Variants in CHD7 observed in about 807,000 individuals in gnomAD.
CHD7 encodes the protein ATP-dependent chromatin remodeler CHD7.
Under a neutral mutation model 307.3 loss-of-function variants are expected in CHD7, and 24 were observed. The ratio of observed to expected loss-of-function variants is 0.08; its 90% CI spans 0.06 to 0.11. CHD7 has a LOEUF of 0.11. CHD7 is among the 10% of genes least tolerant of loss of function. CHD7 has a pLI of 1.00. For missense variants in CHD7, 3,106 were observed against 3,727.1 expected, an observed-to-expected ratio of 0.83 and a Z score of 4.34; for synonymous variants, 1,363 against 1,349.9, an observed-to-expected ratio of 1.01 and a Z score of -0.21.
chr8:60,742,447 C>T lies in CHD7; in HGVS notation c.1015C>T (p.Pro339Ser). Reference sequence around the variant, plus strand: ...AAATTTAGGCCTTACAAATAATACTCCAATGAATCAGTCCGTACCAAGATA... The same window carrying T: ...AAATTTAGGCCTTACAAATAATACTTCAATGAATCAGTCCGTACCAAGATA... ...NQNLGLTNNT[P>S]MNQSVPRYPN... is the part of the protein sequence containing the mutation. Residue 339 changes from proline to serine, a missense_variant, in exon 2 of 38, where the codon CCA (proline) becomes TCA (serine). By Grantham distance (74) the Pro-to-Ser change is moderately conservative. Around this residue, in one of 10 missense-constraint regions of CHD7, gnomAD observed 998 missense variants for 1,004.5 expected, o/e 0.99. Coordinates refer to ENST00000423902, the MANE Select transcript of CHD7 (RefSeq NM_017780.4). 3 of 1,613,994 alleles carry T rather than the reference C, an allele frequency of 1.9e-6. No individual in the cohort carries two copies. Among genetic ancestry groups the T allele is most frequent in the Non-Finnish European group, 1.7e-6 (2 of 1,179,870 alleles).
chr8:60,715,842 G>A (rs1807571272), intron 1 of CHD7, among the ~76,000 whole-genome samples: 1 of 152,096 alleles, frequency 6.6e-6, no homozygotes, highest in Non-Finnish European at 1.5e-5. Flanking sequence ...GAAAATATAG[G>A]CCACTATTTT....
rs747252853 is a variant in CHD7, at chr8:60,820,062, T to A, written c.2669T>A (p.Phe890Tyr). ...DYVEVDRIMD[F>Y]ARSTDDRGEP... ...GTGGAGGTTGACCGGATAATGGACTTTGCACGTAGCACAGATGACCGGGGA... is the reference window on the plus strand; with the variant it reads ...GTGGAGGTTGACCGGATAATGGACTATGCACGTAGCACAGATGACCGGGGA... Residue 890 changes from phenylalanine to tyrosine, a missense_variant, in exon 9 of 38, where the codon TTT becomes TAT. Coordinates refer to ENST00000423902, the MANE Select transcript of CHD7 (RefSeq NM_017780.4). The A allele has an allele frequency of 6.2e-7, 1 of 1,611,138 alleles. No individual in the cohort carries two copies. Among genetic ancestry groups the A allele is most frequent in the Non-Finnish European group, 8.5e-7 (1 of 1,178,434 alleles).
At chr8:60,717,210 A>G (rs749301048) in intron 1 of CHD7, among the ~76,000 whole-genome samples, 3 of 152,202 alleles carry the variant, frequency 2.0e-5, no homozygotes, top group Non-Finnish European at 4.4e-5. Context: ...ACATTAGTTT[A>G]CTGTCAAGTT....
At position 60,742,143 on chromosome 8, in the gene CHD7, C is replaced by T. The variant is rs1188337353; in HGVS notation, c.711C>T (p.His237=). 18 of 1,613,938 alleles carry T rather than the reference C, an allele frequency of 1.1e-5. No individual in the cohort carries two copies. In the Middle Eastern group the frequency reaches 8.2e-4, roughly 74 times the overall value. The change falls in exon 2 of 38, where the codon CAC becomes CAT. Residue 237 remains histidine (H), a synonymous_variant. Coordinates refer to ENST00000423902, the MANE Select transcript of CHD7 (RefSeq NM_017780.4). ...CCTCAGGACCTGGCCACTTGTCCCA[C>T]GTGCCCCAGCAGAGTCCCAGCATGG... ...IATSGPGHLS[H]VPQQSPSMAP...
At position 60,781,281 on chromosome 8, in the gene CHD7, A is replaced by C. The variant is rs944109090; in HGVS notation, c.1947A>C (p.Ala649=). The C allele has an allele frequency of 4.7e-5, 73 of 1,563,044 alleles. No individual in the cohort carries two copies. The highest frequency in any genetic ancestry group is 6.2e-5 in the Non-Finnish European group (71 of 1,154,064). ...AAAAGAAAAAGAAAAGGTCAAAGGC[A>C]AAAAAAGACCCGAAGGAACCGAAAG... The part of the protein sequence containing the change: ...EEKKKKKRSK[A]KKDPKEPKEP... Residue 649 remains alanine, a synonymous_variant, in exon 3 of 38, where the codon GCA becomes GCC. Transcript: ENST00000423902.
Position 60,865,869 on chromosome 8 carries a change from A to AG in CHD7, c.8933dup (p.Glu2979Ter), listed in dbSNP as rs1300195175. 1 of 1,612,220 alleles carries AG rather than the reference A, an allele frequency of 6.2e-7. No homozygotes were observed. The highest frequency in any genetic ancestry group is 1.7e-5 in the Admixed American group (1 of 59,690). On this transcript the variant is annotated frameshift_variant, in exon 38 of 38. Transcript: ENST00000423902. LOFTEE classifies it high-confidence loss of function. The surrounding 1 kb of genome is among the most constrained non-coding windows in gnomAD (Gnocchi z 4.3). ...TCCCTCTTAGAAGACGAAATAGCAC[A>AG]GGGTGAAGAGCTAGACTCACTTGAT...
intron 6 of CHD7, among the ~76,000 whole-genome samples, chr8:60,806,751 C>T (rs997895609): frequency 6.6e-6 from 1 of 152,076 alleles, no homozygotes; most frequent in African/African-American, 2.4e-5. Flanking sequence ...GCCTGTAATC[C>T]CATCACTTTG....
Position 60,733,043 on chromosome 8 carries a change from T to C in CHD7, c.-174-8216T>C, listed in dbSNP as rs561671464. Among the ~76,000 whole-genome samples the C allele has an allele frequency of 3.3e-5, 5 of 151,980 alleles. No homozygotes were observed. The South Asian group carries it at 1.0e-3, about 32-fold the overall frequency. ...TGAGCCTAGGAGTTCAAGACCAGTT[T>C]GGGCAACATAGTGAGACTTTGTTTC... On this transcript the variant is annotated intron_variant, in intron 1 of 37. Coordinates refer to ENST00000423902, the MANE Select transcript of CHD7 (RefSeq NM_017780.4).
In CHD7 at chr8:60,794,967, G is replaced by A. The variant is rs559713378; in HGVS notation, c.2097-19G>A. The A allele has an allele frequency of 1.7e-4, 274 of 1,607,256 alleles. 3 individuals are homozygous for A. The South Asian group carries it at 2.8e-3, about 16-fold the overall frequency. On this transcript the variant is annotated intron_variant, in intron 3 of 37. Coordinates refer to ENST00000423902, the MANE Select transcript of CHD7 (RefSeq NM_017780.4). ...AACACATTAAAAGTGAACACTAAGC[G>A]ATCCACTTTGAATTCTAGTAATAAG...
chr8:60,747,322 C>T (rs1391422284), intron 2 of CHD7, among the ~76,000 whole-genome samples: 2 of 152,084 alleles, frequency 1.3e-5, no homozygotes, highest in Non-Finnish European at 2.9e-5. Flanking sequence ...AGATGATCCA[C>T]CCGCTGTGGC....
chr8:60,780,795 A>C (rs1811176781), intron 2 of CHD7, among the ~76,000 whole-genome samples: 1 of 152,186 alleles, frequency 6.6e-6, no homozygotes, highest in Non-Finnish European at 1.5e-5. Context: ...TGCTATTTTA[A>C]AACTTTCTTT....
In CHD7 at chr8:60,861,169, G is replaced by A. The variant is rs115428154; in HGVS notation, c.7830+44G>A. 1.6e-3 allele frequency: 2,295 copies of A among 1,431,964 alleles called. 32 individuals are homozygous for A. The African/African-American group carries it at 0.027, about 17-fold the overall frequency. 88.7% of individuals were successfully genotyped at this position (1,431,964 alleles called of 1,614,324 possible). A position where few individuals can be genotyped will look rare whatever the true frequency, so the allele number is the denominator to read the frequency against. On this transcript the variant is annotated intron_variant, in intron 35 of 37. Coordinates refer to ENST00000423902, the MANE Select transcript of CHD7 (RefSeq NM_017780.4). ...AGAGTTGGAAGGAATCTTGCAGGCC[G>A]GTCCACTTCATTCCCTTACAACATA...
chr8:60,845,671 T>A (rs1805179367), intron 23 of CHD7, among the ~76,000 whole-genome samples: 1 of 152,226 alleles, frequency 6.6e-6, no homozygotes, highest in Admixed American at 6.5e-5. Flanking sequence ...TTTCTTGAAA[T>A]GTGGTGTCAA....
intron 1 of CHD7, among the ~76,000 whole-genome samples, chr8:60,697,336 G>GCAAT (rs1806530433): frequency 6.6e-6 from 1 of 152,146 alleles, no homozygotes; most frequent in Non-Finnish European, 1.5e-5. Context: ...TCACAGGAGG[G>GCAAT]CAATAGCTTT....
Position 60,794,981 on chromosome 8 carries a change from T to C in CHD7, c.2097-5T>C. ...GAACACTAAGCGATCCACTTTGAAT[T>C]CTAGTAATAAGAAACCTGACTCAGA... On this transcript the variant is annotated splice_region_variant and splice_polypyrimidine_tract_variant and intron_variant, in intron 3 of 37. Coordinates refer to ENST00000423902, the MANE Select transcript of CHD7 (RefSeq NM_017780.4). 6 of 1,611,468 alleles carry C rather than the reference T, an allele frequency of 3.7e-6. No individual in the cohort carries two copies. Among genetic ancestry groups the C allele is most frequent in the South Asian group, 1.1e-5 (1 of 90,534 alleles).
At chr8:60,827,450 G>C (rs1804305039) in intron 13 of CHD7, among the ~76,000 whole-genome samples, 1 of 152,068 alleles carries the variant, frequency 6.6e-6, no homozygotes, top group Non-Finnish European at 1.5e-5. Flanking sequence ...CTGAATATGT[G>C]ATGGGACTTA....
At chr8:60,776,133 T>C (rs1279082083) in intron 2 of CHD7, among the ~76,000 whole-genome samples, 3 of 152,200 alleles carry the variant, frequency 2.0e-5, no homozygotes, top group Admixed American at 6.5e-5. Flanking sequence ...CCTTAACTTG[T>C]TCTATACTTT....
chr8:60,718,205 G>A (rs555717450), intron 1 of CHD7, among the ~76,000 whole-genome samples: 3 of 152,230 alleles, frequency 2.0e-5, no homozygotes, highest in East Asian at 3.9e-4. Flanking sequence ...AGTTGGTCGC[G>A]GTAGCTCACA....
At chr8:60,829,199 C>G (rs1471019480) in intron 14 of CHD7, among the ~76,000 whole-genome samples, 1 of 152,218 alleles carries the variant, frequency 6.6e-6, no homozygotes, top group Admixed American at 6.5e-5. Context: ...AGCATCTGTA[C>G]TCAGCCACAC....
Sources: gnomAD v4.1 joint callset for allele counts (sites outside exome capture counted in the v4.1 genomes callset) on GRCh38, gnomAD v4.1.1 for gene constraint, gnomAD v4.1.1 regional missense constraint, Gnocchi (gnomAD v3.1) non-coding constraint, MANE v1.5 for transcripts, NCBI Gene and HGNC (gene_info 2026-07-23, HGNC 2026-07-21) for gene names.